CDH13: variants seen among roughly 807,000 people sequenced by gnomAD.
CDH13 encodes cadherin 13.
A neutral mutation model predicts 63.8 loss-of-function variants in CDH13; 24 were observed. The observed-to-expected ratio is 0.38, with a 90% confidence interval of 0.27 to 0.53. The LOEUF (loss-of-function observed/expected upper bound fraction) is 0.53. Ranked by LOEUF, CDH13 falls within the 20% of genes least tolerant of loss-of-function variation. CDH13 has a pLI of 0.85. For missense variants in CDH13, 1,049 were observed against 903.1 expected, an observed-to-expected ratio of 1.16 and a Z score of -2.07; for synonymous variants, 503 against 355.3, an observed-to-expected ratio of 1.42 and a Z score of -4.67.
chr16:83,505,697 C>G (rs1400745603), intron 7 of CDH13, among the ~76,000 whole-genome samples: 2 of 151,974 alleles, frequency 1.3e-5, no homozygotes, highest in Admixed American at 1.3e-4. Context: ...GCATGCGCCT[C>G]CACGCCCGGC....
intron 3 of CDH13, among the ~76,000 whole-genome samples, chr16:83,099,293 T>A (rs369073306): frequency 6.6e-6 from 1 of 152,104 alleles, no homozygotes; most frequent in Non-Finnish European, 1.5e-5. Context: ...CTAAAAACAA[T>A]TCTATGATGT....
At position 83,343,254 on chromosome 16, in the gene CDH13, G is replaced by A. The variant is rs1474835291; in HGVS notation, c.637-1608G>A. Among the ~76,000 whole-genome samples, 3 of 152,036 alleles carry A rather than the reference G, an allele frequency of 2.0e-5. 1 individual carries two copies. The highest frequency in any genetic ancestry group is 6.3e-3 in the Middle Eastern group (2 of 316). ...CCTTCAAATTCTATCCATATTTGTA[G>A]GTCATGTATGATGATGCTCATGTTA... is the stretch of plus-strand genomic sequence containing the variant. On this transcript the variant is annotated intron_variant, in intron 5 of 13. Coordinates refer to ENST00000567109, the MANE Select transcript of CDH13 (RefSeq NM_001257.5).
chr16:82,681,980 C>A (rs1431160105), intron 1 of CDH13, among the ~76,000 whole-genome samples: 1 of 152,256 alleles, frequency 6.6e-6, no homozygotes, highest in Non-Finnish European at 1.5e-5. Flanking sequence ...CATTTCCCCT[C>A]TTCCCTCCTG....
intron 2 of CDH13, among the ~76,000 whole-genome samples, chr16:83,015,762 C>T (rs1263449173): frequency 7.5e-6 from 1 of 134,030 alleles, no homozygotes; most frequent in Non-Finnish European, 1.6e-5. Context: ...GAACCTTAGA[C>T]TTGCCGTGGG....
intron 5 of CDH13, among the ~76,000 whole-genome samples, chr16:83,342,084 C>G (rs1487056453): frequency 6.6e-6 from 1 of 151,296 alleles, no homozygotes; most frequent in African/African-American, 2.4e-5. Context: ...TCTGTGTTGT[C>G]TAATATGGTA....
chr16:83,029,143 A>T (rs1003315479), intron 2 of CDH13, among the ~76,000 whole-genome samples: 1 of 152,218 alleles, frequency 6.6e-6, no homozygotes, highest in African/African-American at 2.4e-5. Flanking sequence ...AAAGTGCTCA[A>T]TCTGCATTAT....
intron 4 of CDH13, among the ~76,000 whole-genome samples, chr16:83,143,945 C>A (rs12447098): frequency 0.015 from 2,316 of 152,148 alleles, 70 homozygotes; most frequent in South Asian, 0.084. Flanking sequence ...CATAGTGAGA[C>A]GAGACAGAAG....
Position 82,806,335 on chromosome 16 carries a change from C to G in CDH13, c.46-52027C>G, listed in dbSNP as rs145409725. On this transcript the variant is annotated intron_variant, in intron 1 of 13. Coordinates refer to ENST00000567109, the MANE Select transcript of CDH13 (RefSeq NM_001257.5). ...TTATCTAGATAATAGGTCGAGTAAC[C>G]TGGACCACAGTCCATTCTTCCCTGT... Among the ~76,000 whole-genome samples, 446 of 152,264 alleles carry G rather than the reference C, an allele frequency of 2.9e-3. 4 individuals carry two copies. Among genetic ancestry groups the G allele is most frequent in the Middle Eastern group, 0.02 (6 of 294 alleles).
intron 8 of CDH13, among the ~76,000 whole-genome samples, chr16:83,666,837 A>T (rs1914003007): frequency 6.6e-6 from 1 of 150,554 alleles, no homozygotes; most frequent in African/African-American, 2.4e-5. Context: ...ACACACACAT[A>T]CACACACACA....
chr16:82,906,237 C>G (rs146235926), intron 2 of CDH13, among the ~76,000 whole-genome samples: 1 of 152,140 alleles, frequency 6.6e-6, no homozygotes, highest in Non-Finnish European at 1.5e-5. Context: ...GAGCCCTTTA[C>G]TAGAAGGTTG....
At chr16:83,151,794 C>T (rs892406709) in intron 4 of CDH13, among the ~76,000 whole-genome samples, 3 of 152,228 alleles carry the variant, frequency 2.0e-5, no homozygotes, top group Middle Eastern at 3.4e-3. Context: ...GTGAAACTGT[C>T]TCTCCTAAAA....
chr16:83,555,102 T>C (rs2075577338), intron 7 of CDH13, among the ~76,000 whole-genome samples: 1 of 152,144 alleles, frequency 6.6e-6, no homozygotes, highest in South Asian at 2.1e-4. Context: ...CCATGTTGTA[T>C]ACAGAGAGAG....
intron 6 of CDH13, among the ~76,000 whole-genome samples, chr16:83,385,628 T>C (rs1446612968): frequency 1.3e-5 from 2 of 152,192 alleles, no homozygotes; most frequent in Non-Finnish European, 2.9e-5. Context: ...GAAAAGGGAT[T>C]GAGGTGACAT....
intron 5 of CDH13, among the ~76,000 whole-genome samples, chr16:83,300,652 T>G (rs943853836): frequency 6.6e-6 from 1 of 152,248 alleles, no homozygotes; most frequent in African/African-American, 2.4e-5. Flanking sequence ...GAACCTAGTA[T>G]CTTGTCAAGA....
At chr16:83,381,112 T>A (rs957203172) in intron 6 of CDH13, among the ~76,000 whole-genome samples, 2 of 152,230 alleles carry the variant, frequency 1.3e-5, no homozygotes, top group Admixed American at 6.5e-5. Context: ...AAGTACTTCA[T>A]GCTTATTATT....
intron 2 of CDH13, among the ~76,000 whole-genome samples, chr16:82,877,590 T>G (rs1345675660): frequency 6.6e-6 from 1 of 152,174 alleles, no homozygotes; most frequent in African/African-American, 2.4e-5. Context: ...GGGGGAAACA[T>G]ATTTTGAAGT....
chr16:82,641,667 G>T (rs1909414000), intron 1 of CDH13, among the ~76,000 whole-genome samples: 1 of 152,192 alleles, frequency 6.6e-6, no homozygotes, highest in Non-Finnish European at 1.5e-5. Flanking sequence ...ACAGGAGATG[G>T]GAGAAAAGTG....
chr16:83,436,630 A>G (rs951988718), intron 6 of CDH13, among the ~76,000 whole-genome samples: 5 of 152,230 alleles, frequency 3.3e-5, no homozygotes, highest in African/African-American at 1.2e-4. Context: ...TTCCTCTTTG[A>G]AAGAACTTAG....
intron 2 of CDH13, among the ~76,000 whole-genome samples, chr16:82,949,039 C>G (rs1189336526): frequency 6.6e-6 from 1 of 152,138 alleles, no homozygotes; most frequent in Non-Finnish European, 1.5e-5. Context: ...GCAAATTACC[C>G]TGTGTAAACC....
Sources: allele counts gnomAD v4.1 joint callset (sites outside exome capture counted in the v4.1 genomes callset), GRCh38; gene constraint gnomAD v4.1.1; transcripts MANE v1.5; gene names NCBI Gene and HGNC (gene_info 2026-07-23, HGNC 2026-07-21).